The following DNHD1 variants were observed in gnomAD, a reference collection of about 807,000 sequenced individuals.
DNHD1 encodes dynein heavy chain domain-containing protein 1.
In DNHD1, 383 loss-of-function variants were observed where a neutral mutation model predicts 458.1. That is an observed-to-expected ratio of 0.84 (90% CI 0.77 to 0.91). DNHD1 has a LOEUF of 0.91. Among genes scored for constraint, DNHD1 ranks in the 40% least tolerant of loss-of-function variants. The pLI is 0.00. For missense variants in DNHD1, 5,336 were observed against 5,866.1 expected, an observed-to-expected ratio of 0.91 and a Z score of 2.95; for synonymous variants, 2,203 against 2,376.9, an observed-to-expected ratio of 0.93 and a Z score of 2.13.
At position 6,539,962 on chromosome 11, in the gene DNHD1, G is replaced by C. The variant is rs2134421219; in HGVS notation, c.3507G>C (p.Leu1169=). ...QRYWEARQLR[L]LNFILHVPYE... ...ACTGGGAAGCGCGCCAGCTGCGCCT[G>C]CTCAACTTCATCCTGCATGTACCCT... The change falls in exon 18 of 43, where the codon CTG becomes CTC. Residue 1169 remains leucine (L), a synonymous_variant. Coordinates refer to ENST00000254579, the MANE Select transcript of DNHD1 (RefSeq NM_144666.3). 1.3e-6 allele frequency: 2 copies of C among 1,551,750 alleles called. No individual in the cohort carries two copies. Among genetic ancestry groups the C allele is most frequent in the African/African-American group, 1.4e-5 (1 of 73,186 alleles).
chr11:6,541,236 A>C (rs924485715), intron 18 of DNHD1, among the ~76,000 whole-genome samples: 1 of 152,218 alleles, frequency 6.6e-6, no homozygotes, highest in African/African-American at 2.4e-5. Context: ...TGACTTGCCT[A>C]TACCTAATAG....
Position 6,528,767 on chromosome 11 carries a change from A to T in DNHD1, c.2083A>T (p.Ile695Leu), listed in dbSNP as rs940506102. The T allele has an allele frequency of 1.4e-5, 21 of 1,551,580 alleles. No individual in the cohort carries two copies. In the African/African-American group the frequency reaches 2.2e-4, roughly 16 times the overall value. The part of the protein sequence containing the change: ...NNPKIQQALN[I>L]QQVLLEGVLC... ...CCCTAAGATCCAGCAGGCACTGAAT[A>T]TACAACAGGTGCTGCTGGAGGTGAG... Residue 695 changes from isoleucine (I) to leucine (L), a missense_variant, in exon 11 of 43, where the codon ATA becomes TTA. Physicochemically the swap from Ile to Leu is conservative, Grantham distance 5. Transcript: ENST00000254579.
In DNHD1 at chr11:6,563,801, C is replaced by T. The variant is rs371031465; in HGVS notation, c.9961C>T (p.Arg3321Ter). The change falls in exon 31 of 43, where the codon CGA (arginine) becomes TGA (stop). Residue 3321 changes from arginine (R) to a stop codon, truncating the protein, a stop_gained. Transcript: ENST00000254579. LOFTEE classifies it high-confidence loss of function. ...CGATGCAGCCCTGCGGGCAGTGAGCCGACCTGCAGCCAGCCTGGCAGCCTG... is the reference window on the plus strand; with the variant it reads ...CGATGCAGCCCTGCGGGCAGTGAGCTGACCTGCAGCCAGCCTGGCAGCCTG... ...MDDAALRAVS[R>*]PAASLAAWLW... The T allele has an allele frequency of 4.2e-4, 648 of 1,551,682 alleles. 4 individuals are homozygous for T. In the African/African-American group the frequency reaches 7.8e-3, roughly 19 times the overall value.
At chr11:6,520,679 TTA>T in intron 10 of DNHD1, 1 of 1,052,562 alleles carries the variant, frequency 9.5e-7, no homozygotes, top group Non-Finnish European at 1.2e-6. Flanking sequence ...AACACTTGCT[TTA>T]TGTCATATAG....
At chr11:6,542,787 G>C (rs925534629) in intron 18 of DNHD1, among the ~76,000 whole-genome samples, 1 of 152,158 alleles carries the variant, frequency 6.6e-6, no homozygotes, top group Non-Finnish European at 1.5e-5. Context: ...AACCAAATGA[G>C]GACAAGGATA....
rs763531607 is a variant in DNHD1 at position 6,568,107 on chromosome 11, G to A, written c.12403G>A (p.Val4135Ile). The change falls in exon 37 of 43, where the codon GTC becomes ATC. Residue 4135 changes from valine (V) to isoleucine (I), a missense_variant. This residue lies in a region of DNHD1 where 695 missense variants were observed against 804.2 expected (regional missense o/e 0.86). Transcript: ENST00000254579. ...IALGSEAWDP[V>I]SVVVSTLSQA... ...CCTGGGCTCTGAAGCCTGGGACCCA[G>A]TCTCAGTTGTGGTCAGCACTCTATC... 2.1e-5 allele frequency: 33 copies of A among 1,572,324 alleles called. No homozygotes were observed. Among genetic ancestry groups the A allele is most frequent in the African/African-American group, 5.4e-5 (4 of 73,882 alleles).
At chr11:6,520,757 G>T in intron 10 of DNHD1, 1 of 1,001,322 alleles carries the variant, frequency 1.0e-6, no homozygotes, top group East Asian at 9.7e-5. Context: ...AATTATTATT[G>T]GTTATCAGTC....
At chr11:6,560,402 G>C (rs1405925088) in intron 28 of DNHD1, among the ~76,000 whole-genome samples, 1 of 152,140 alleles carries the variant, frequency 6.6e-6, no homozygotes, top group Admixed American at 6.6e-5. Context: ...TAAAGGTACT[G>C]GTGCCCTCCT....
chr11:6,505,476 C>T lies in DNHD1; in HGVS notation c.920+2550C>T, dbSNP rs1355111376. The stretch of plus-strand genomic sequence containing the variant: ...CCACATTGGCCAAGCTGATCTCGAA[C>T]TCCTGGCTTCAAGTGATCCACCCAC... On this transcript the variant is annotated intron_variant, in intron 4 of 42. Transcript: ENST00000254579. This position sits in a 1 kb window ranked among gnomAD's most constrained non-coding sequence, Gnocchi z 4.4. Among the ~76,000 whole-genome samples, 1 of 152,044 alleles carries T rather than the reference C, an allele frequency of 6.6e-6. No individual in the cohort carries two copies. Among genetic ancestry groups the T allele is most frequent in the Non-Finnish European group, 1.5e-5 (1 of 68,012 alleles).
chr11:6,559,273 A>T lies in DNHD1; in HGVS notation c.9509A>T (p.Asp3170Val), dbSNP rs1234765027. ...LIFDLEQQLK[D>V]SGKSLSMFQQ... ...TTTGACTTGGAACAGCAGCTGAAAG[A>T]CTCCGGCAAGGTAAGGAGATGATTT... Residue 3170 changes from aspartate (D) to valine (V), a missense_variant, in exon 28 of 43, where the codon GAC becomes GTC. Around this residue, in one of 4 missense-constraint regions of DNHD1, gnomAD observed 3,932 missense variants for 4,365.6 expected, o/e 0.90. Transcript: ENST00000254579. 6.4e-7 allele frequency: 1 copy of T among 1,551,412 alleles called. No individual in the cohort carries two copies. Among genetic ancestry groups the T allele is most frequent in the Non-Finnish European group, 8.7e-7 (1 of 1,146,912 alleles).
At chr11:6,508,852 T>A (rs1480957189) in intron 4 of DNHD1, 28 bp from the exon 5 acceptor site, 1 of 1,612,100 alleles carries the variant, frequency 6.2e-7, no homozygotes, top group African/African-American at 1.3e-5. Context: ...TCCCAGGGCC[T>A]TCACTGATCA....
Position 6,571,045 on chromosome 11 carries a change from G to A in DNHD1, c.13533G>A (p.Lys4511=), listed in dbSNP as rs1413580569. 5 of 1,580,636 alleles carry A rather than the reference G, an allele frequency of 3.2e-6. No individual in the cohort carries two copies. In the South Asian group the frequency reaches 4.6e-5, roughly 15 times the overall value. The change falls in exon 42 of 43, where the codon AAG becomes AAA. Residue 4511 remains lysine (K), a synonymous_variant. Coordinates refer to ENST00000254579, the MANE Select transcript of DNHD1 (RefSeq NM_144666.3). The surrounding 1 kb of genome is among the most constrained non-coding windows in gnomAD (Gnocchi z 5.0). The stretch of plus-strand genomic sequence containing the variant: ...TTGATTGCCTGTTGCAGCAGCTGAA[G>A]GGCGCACCCCCGTGCCCCTCCCGCC... ...RDLDCLLQQL[K]GAPPCPSRRC... is the part of the protein sequence containing the mutation.
At chr11:6,512,174 T>C (rs1229342495) in intron 7 of DNHD1, among the ~76,000 whole-genome samples, 1 of 151,214 alleles carries the variant, frequency 6.6e-6, no homozygotes, top group African/African-American at 2.4e-5. Context: ...GTCTCAAAAA[T>C]GGCCTCAACT....
Position 6,565,791 on chromosome 11 carries a change from C to T in DNHD1, c.10853C>T (p.Thr3618Ile). 2.6e-6 allele frequency: 4 copies of T among 1,551,260 alleles called. No homozygotes were observed. Among genetic ancestry groups the T allele is most frequent in the Non-Finnish European group, 3.5e-6 (4 of 1,146,946 alleles). ...GAGAGTAATGAGGCTGAGGACCAGA[C>T]AAAAGAGCAGAAGGCAGAGGAAAGA... ...SEESNEAEDQTKEQKAEERKN... is the reference protein window; with the variant it reads ...SEESNEAEDQIKEQKAEERKN... Residue 3618 changes from threonine (T) to isoleucine (I), a missense_variant, in exon 33 of 43, where the codon ACA (threonine) becomes ATA (isoleucine). Physicochemically the swap from Thr to Ile is moderately conservative, Grantham distance 89. Transcript: ENST00000254579.
chr11:6,545,344 G>A lies in DNHD1; in HGVS notation c.4405G>A (p.Ala1469Thr), dbSNP rs1409777832. The change falls in exon 21 of 43, where the codon GCT (alanine) becomes ACT (threonine). Residue 1469 changes from alanine (A) to threonine (T), a missense_variant. Transcript: ENST00000254579. The surrounding 1 kb of genome is among the most constrained non-coding windows in gnomAD (Gnocchi z 4.9). ...LVHMLQGCVA[A>T]RLARGPSLGE... is the part of the protein sequence containing the mutation. ...GCACATGCTGCAGGGCTGTGTGGCT[G>A]CTCGCCTTGCTCGAGGCCCATCTCT... 7 of 1,551,758 alleles carry A rather than the reference G, an allele frequency of 4.5e-6. No individual in the cohort carries two copies. The East Asian group carries it at 1.7e-4, about 38-fold the overall frequency.
At position 6,570,768 on chromosome 11, in the gene DNHD1, G is replaced by C. The variant is rs1481377353; in HGVS notation, c.13256G>C (p.Arg4419Pro). The change falls in exon 42 of 43, where the codon CGG becomes CCG. Residue 4419 changes from arginine to proline, a missense_variant. Arg to Pro is a moderately radical substitution (Grantham distance 103). Around this residue, in one of 4 missense-constraint regions of DNHD1, gnomAD observed 698 missense variants for 664.9 expected, o/e 1.05. Coordinates refer to ENST00000254579, the MANE Select transcript of DNHD1 (RefSeq NM_144666.3). ...CGCGCTCTCTTGAGTGCGCTGCAGCGGAGTTCACCCGTGTGGGTTCCTGAG... is the reference window on the plus strand; with the variant it reads ...CGCGCTCTCTTGAGTGCGCTGCAGCCGAGTTCACCCGTGTGGGTTCCTGAG... ...QSRALLSALQ[R>P]SSPVWVPESR... The C allele has an allele frequency of 1.9e-6, 3 of 1,612,926 alleles. No homozygotes were observed. Among genetic ancestry groups the C allele is most frequent in the Non-Finnish European group, 2.5e-6 (3 of 1,179,432 alleles).
At chr11:6,549,129 ATC>A (rs2134434704) in intron 24 of DNHD1, 196 bp downstream of exon 24, 2 of 633,842 alleles carry the variant, frequency 3.2e-6, no homozygotes, top group South Asian at 4.2e-5. Flanking sequence ...GCTTTGCTAA[ATC>A]TCTGTGTCCA....
rs1324209737 is a variant in DNHD1 at position 6,568,516 on chromosome 11, G to C, written c.12601G>C (p.Val4201Leu). Residue 4201 changes from valine (V) to leucine (L), a missense_variant, in exon 38 of 43, where the codon GTT becomes CTT. By Grantham distance (32) the Val-to-Leu change is conservative. Transcript: ENST00000254579. Reference sequence around the variant, plus strand: ...ACCTGAAAGCAGGAATGTAAGCACTGTTCACAGAGATTTTCGTCTTTGGCT... The same window carrying C: ...ACCTGAAAGCAGGAATGTAAGCACTCTTCACAGAGATTTTCGTCTTTGGCT... Reference protein sequence around the residue: ...DQPESRNVSTVHRDFRLWLIV... With the variant: ...DQPESRNVSTLHRDFRLWLIV... 6.2e-7 allele frequency: 1 copy of C among 1,613,996 alleles called. No homozygotes were observed. Among genetic ancestry groups the C allele is most frequent in the Non-Finnish European group, 8.5e-7 (1 of 1,179,890 alleles).
At chr11:6,562,910 ATCATAGGG>A in intron 28 of DNHD1, 64 bp from the exon 29 acceptor site, 1 of 1,498,378 alleles carries the variant, frequency 6.7e-7, no homozygotes, top group Admixed American at 2.1e-5. Context: ...CAGTTCCAGG[ATCATAGGG>A]TCTTCTGGGG....
Sources: gnomAD v4.1 joint callset for allele counts (sites outside exome capture counted in the v4.1 genomes callset) on GRCh38, gnomAD v4.1.1 for gene constraint, gnomAD v4.1.1 regional missense constraint, Gnocchi (gnomAD v3.1) non-coding constraint, MANE v1.5 for transcripts, NCBI Gene and HGNC (gene_info 2026-07-23, HGNC 2026-07-21) for gene names.